Variants in GPC6 observed in about 807,000 individuals in gnomAD.
The protein encoded by GPC6 is glypican-6.
In GPC6, 14 loss-of-function variants were observed where a neutral mutation model predicts 55.2. The observed-to-expected ratio is 0.25, with a 90% CI of 0.17 to 0.40. The LOEUF (loss-of-function observed/expected upper bound fraction) is 0.40, where lower values mean the gene tolerates loss of function less well. Ranked by LOEUF, GPC6 falls within the 10% of genes least tolerant of loss-of-function variation. GPC6 has a pLI of 1.00. For missense variants in GPC6, 641 were observed against 708.5 expected (o/e 0.90, Z 1.08); for synonymous variants, 278 against 259.6 (o/e 1.07, Z -0.68).
In GPC6 at chr13:94,392,701, TCGAC is replaced by T. The variant is rs1880708051; in HGVS notation, c.1290-5763_1290-5760del. On this transcript the variant is annotated intron_variant, in intron 7 of 8. Coordinates refer to ENST00000377047, the MANE Select transcript of GPC6 (RefSeq NM_005708.5). ...TCTTGGTCAGGCTGGTCTCGAACTC[TCGAC>T]CTCAGGTGATCCACCCTCTTGGTCA... 1.7e-5 allele frequency among the ~76,000 whole-genome samples: 2 copies of T among 119,744 alleles called. 1 individual carries two copies. The highest frequency in any genetic ancestry group is 6.5e-4 in the South Asian group (2 of 3,060). The allele number at this position is 119,744 out of a possible 152,430, so 78.6% of individuals were successfully genotyped here.
At chr13:93,825,394 G>C (rs1349052412) in intron 2 of GPC6, among the ~76,000 whole-genome samples, 4 of 152,214 alleles carry the variant, frequency 2.6e-5, no homozygotes, top group Non-Finnish European at 5.9e-5. Context: ...GTCATCTACT[G>C]CTCAATAGCA....
chr13:94,018,234 G>C (rs1295517279), intron 3 of GPC6, among the ~76,000 whole-genome samples: 2 of 150,680 alleles, frequency 1.3e-5, no homozygotes, highest in Non-Finnish European at 2.9e-5. Flanking sequence ...AGTTTCTTAT[G>C]TTGAATCACC....
chr13:93,602,815 T>C (rs1878074662), intron 2 of GPC6, among the ~76,000 whole-genome samples: 3 of 152,186 alleles, frequency 2.0e-5, no homozygotes, highest in Admixed American at 6.5e-5. Flanking sequence ...AAGTACACAC[T>C]ACATGTCAAG....
chr13:93,664,324 AC>A (rs1881045871), intron 2 of GPC6, among the ~76,000 whole-genome samples: 1 of 152,144 alleles, frequency 6.6e-6, no homozygotes, highest in African/African-American at 2.4e-5. Context: ...CTGCAGATAA[AC>A]AAAAAAATGC....
chr13:93,715,238 A>C (rs1883210376), intron 2 of GPC6, among the ~76,000 whole-genome samples: 1 of 151,766 alleles, frequency 6.6e-6, no homozygotes, highest in African/African-American at 2.4e-5. Flanking sequence ...AGACTGGATA[A>C]AGGAAATATG....
At chr13:94,247,766 GA>G (rs1195172060) in intron 4 of GPC6, among the ~76,000 whole-genome samples, 1 of 152,020 alleles carries the variant, frequency 6.6e-6, no homozygotes, top group African/African-American at 2.4e-5. Context: ...ACTGTAATGA[GA>G]ATTTTTGTAT....
At chr13:93,707,549 G>C (rs2138803625) in intron 2 of GPC6, among the ~76,000 whole-genome samples, 1 of 151,810 alleles carries the variant, frequency 6.6e-6, no homozygotes, top group South Asian at 2.1e-4. Flanking sequence ...AGGCTCTCCT[G>C]TCCCCATCAA....
At chr13:94,230,069 C>T (rs1413689656) in intron 4 of GPC6, among the ~76,000 whole-genome samples, 1 of 152,042 alleles carries the variant, frequency 6.6e-6, no homozygotes, top group Non-Finnish European at 1.5e-5. Context: ...AGTGGCTAGA[C>T]AATTTGGGGC....
rs551802761 is a variant in GPC6, at chr13:93,348,863, G to C, written c.160+121247G>C. Among the ~76,000 whole-genome samples the C allele has an allele frequency of 4.6e-5, 7 of 152,092 alleles. No homozygotes were observed. In the East Asian group the frequency reaches 9.7e-4, roughly 21 times the overall value. On this transcript the variant is annotated intron_variant, in intron 1 of 8. Coordinates refer to ENST00000377047, the MANE Select transcript of GPC6 (RefSeq NM_005708.5). Reference sequence around the variant, plus strand: ...TTTGGTCTTTTATTTCCTCCCTTAGGCTTAGTATAAATGAGTAGAGTCACA... The same window carrying C: ...TTTGGTCTTTTATTTCCTCCCTTAGCCTTAGTATAAATGAGTAGAGTCACA...
chr13:93,268,748 C>T (rs997418451), intron 1 of GPC6, among the ~76,000 whole-genome samples: 1 of 152,030 alleles, frequency 6.6e-6, no homozygotes, highest in South Asian at 2.1e-4. Flanking sequence ...ATGTCATTCC[C>T]CTGGTTCAGA....
At chr13:93,453,830 T>A (rs934336146) in intron 1 of GPC6, among the ~76,000 whole-genome samples, 1 of 152,012 alleles carries the variant, frequency 6.6e-6, no homozygotes, top group African/African-American at 2.4e-5. Flanking sequence ...CAGTGAGCAG[T>A]AGCAAGATTT....
chr13:93,331,641 T>C (rs950517557), intron 1 of GPC6, among the ~76,000 whole-genome samples: 1 of 150,498 alleles, frequency 6.6e-6, no homozygotes, highest in Non-Finnish European at 1.5e-5. Context: ...TCTTTTTTTT[T>C]CTGTCATTTG....
chr13:93,925,590 A>G (rs549278975), intron 3 of GPC6, among the ~76,000 whole-genome samples: 2 of 152,328 alleles, frequency 1.3e-5, no homozygotes, highest in East Asian at 1.9e-4. Flanking sequence ...TAGTGCAGAG[A>G]TGAAAGCCTA....
chr13:94,266,841 G>A (rs1891834010), intron 4 of GPC6, among the ~76,000 whole-genome samples: 1 of 152,110 alleles, frequency 6.6e-6, no homozygotes, highest in South Asian at 2.1e-4. Context: ...AAATGATAAT[G>A]CACTTTTAAC....
chr13:93,489,583 T>C (rs1033044827), intron 1 of GPC6, among the ~76,000 whole-genome samples: 2 of 151,572 alleles, frequency 1.3e-5, no homozygotes, highest in East Asian at 2.2e-4. Flanking sequence ...TTTCACAATA[T>C]TGATTCTTCC....
intron 1 of GPC6, among the ~76,000 whole-genome samples, chr13:93,523,549 A>C (rs1881530063): frequency 7.0e-6 from 1 of 143,720 alleles, no homozygotes; most frequent in Admixed American, 7.0e-5. Context: ...TATACCAACT[A>C]TAAGTTACGC....
intron 2 of GPC6, among the ~76,000 whole-genome samples, chr13:93,596,536 T>G (rs966126007): frequency 1.2e-4 from 18 of 150,880 alleles, no homozygotes; most frequent in African/African-American, 4.1e-4. Flanking sequence ...TCTTATACTT[T>G]GAAGTAATGT....
At chr13:93,480,138 G>C (rs1291550983) in intron 1 of GPC6, among the ~76,000 whole-genome samples, 12 of 152,070 alleles carry the variant, frequency 7.9e-5, no homozygotes. Context: ...TGTGGCTTTT[G>C]TCTCTGTGTC....
chr13:94,106,663 G>A (rs1886065175), intron 4 of GPC6, among the ~76,000 whole-genome samples: 1 of 152,064 alleles, frequency 6.6e-6, no homozygotes, highest in Non-Finnish European at 1.5e-5. Context: ...GGAGAAGATC[G>A]TTTTGAGGAT....
Sources: allele counts gnomAD v4.1 joint callset (sites outside exome capture counted in the v4.1 genomes callset), GRCh38; gene constraint gnomAD v4.1.1; transcripts MANE v1.5; gene names NCBI Gene and HGNC (gene_info 2026-07-23, HGNC 2026-07-21).